Variants in SERPINI2 observed in about 807,000 individuals in gnomAD.
SERPINI2 encodes the protein serpin family I member 2.
In SERPINI2, 48 loss-of-function variants were observed where a neutral mutation model predicts 47.3. The observed-to-expected ratio is 1.02, with a 90% CI of 0.81 to 1.29. The LOEUF (loss-of-function observed/expected upper bound fraction) is 1.29, where lower values mean the gene tolerates loss of function less well. Ranked by LOEUF, SERPINI2 falls within the 50% of genes most tolerant of loss-of-function variation. The probability of loss-of-function intolerance (pLI) is 0.00; values close to 1 mark genes in which losing one functional copy is unlikely to be tolerated. For missense variants in SERPINI2, 448 were observed against 456.9 expected (o/e 0.98, Z 0.18); for synonymous variants, 135 against 149.3 (o/e 0.90, Z 0.70).
At chr3:167,476,673 C>G (rs1049200379), upstream of SERPINI2, among the ~76,000 whole-genome samples, 10 of 152,006 alleles carry the variant, frequency 6.6e-5, no homozygotes, top group Non-Finnish European at 1.3e-4. Flanking sequence ...TTATGAATTT[C>G]CAACTTATGC....
chr3:167,453,661 G>C (rs1465727399), intron 5 of SERPINI2, among the ~76,000 whole-genome samples: 1 of 149,230 alleles, frequency 6.7e-6, no homozygotes, highest in Non-Finnish European at 1.5e-5. Context: ...AGGAGTGGGG[G>C]GGGGTGGGCA....
chr3:167,473,705 C>T (rs1482499808), intron 1 of SERPINI2: 2 of 1,232,944 alleles, frequency 1.6e-6, no homozygotes, highest in Admixed American at 2.4e-5. Flanking sequence ...ATTATAACCT[C>T]AGACAAATAT....
At chr3:167,451,812 T>C (rs188223748) in intron 6 of SERPINI2, among the ~76,000 whole-genome samples, 250 of 152,258 alleles carry the variant, frequency 1.6e-3, no homozygotes, top group African/African-American at 5.9e-3. Flanking sequence ...GAAAAGGAAG[T>C]GCATGAAAAA....
intron 2 of SERPINI2, among the ~76,000 whole-genome samples, chr3:167,471,348 A>G (rs1328450167): frequency 6.6e-6 from 1 of 152,154 alleles, no homozygotes; most frequent in African/African-American, 2.4e-5. Context: ...GAAAATGTAC[A>G]AATATTTACT....
intron 5 of SERPINI2, 123 bp from the exon 6 acceptor site, chr3:167,453,156 T>C: frequency 1.9e-6 from 1 of 524,094 alleles, no homozygotes. Context: ...TTATCTCAAT[T>C]ACATTTTCTC....
rs760780976 is a variant in SERPINI2 at position 167,467,172 on chromosome 3, C to T, written c.361G>A (p.Glu121Lys). The T allele has an allele frequency of 8.1e-6, 13 of 1,613,288 alleles. No individual in the cohort carries two copies. Among genetic ancestry groups the T allele is most frequent in the African/African-American group, 1.3e-5 (1 of 74,882 alleles). ...TCCTTGTTGCCATGGAGATACTGTT[C>T]TTTCACAGTGAATCCTTCTTGAAGG... The change falls in exon 3 of 9, where the codon GAA becomes AAA. Residue 121 changes from glutamate (E) to lysine (K), a missense_variant. Glu to Lys is a moderately conservative substitution (Grantham distance 56). Coordinates refer to ENST00000264677, the Ensembl canonical transcript of SERPINI2.
chr3:167,471,884 G>T, intron 1 of SERPINI2, 40 bp from the exon 2 acceptor site: 1 of 1,514,472 alleles, frequency 6.6e-7, no homozygotes, highest in Non-Finnish European at 9.1e-7. Flanking sequence ...TTTCAAAATA[G>T]AGTTTTCCAC....
chr3:167,474,775 G>T (rs1227902954), upstream of SERPINI2, among the ~76,000 whole-genome samples: 2 of 151,528 alleles, frequency 1.3e-5, no homozygotes, highest in Middle Eastern at 3.4e-3. Flanking sequence ...TAATTTAATG[G>T]GTTTCATCTC....
At chr3:167,465,236 T>G in exon 5 of SERPINI2, 1 of 1,611,516 alleles carries the variant, frequency 6.2e-7, no homozygotes, top group Non-Finnish European at 8.5e-7. Flanking sequence ...TTCCTCTTCT[T>G]GCATCTCAGA....
At chr3:167,464,690 A>G (rs987113724) in intron 5 of SERPINI2, among the ~76,000 whole-genome samples, 18 of 152,162 alleles carry the variant, frequency 1.2e-4, no homozygotes, top group Non-Finnish European at 2.1e-4. Context: ...AATTTAGTTC[A>G]TAATTATTGC....
chr3:167,471,565 G>A (rs765670139), intron 2 of SERPINI2, 23 bp downstream of exon 2: 14 of 1,609,340 alleles, frequency 8.7e-6, no homozygotes, highest in African/African-American at 1.3e-5. Context: ...TCCAGTATAA[G>A]TAAGGAGATG....
intron 2 of SERPINI2, 42 bp from the exon 3 acceptor site, chr3:167,467,327 T>C: frequency 7.1e-7 from 1 of 1,406,618 alleles, no homozygotes; most frequent in Non-Finnish European, 9.8e-7. Flanking sequence ...TTGAACAACA[T>C]AAAAACAACA....
At chr3:167,465,133 C>T (rs1056561154) in intron 5 of SERPINI2, 73 bp downstream of exon 5, 1 of 1,311,126 alleles carries the variant, frequency 7.6e-7, no homozygotes, top group South Asian at 1.3e-5. Flanking sequence ...TATTTGTTAC[C>T]TTTCAGCTGA....
intron 7 of SERPINI2, 67 bp from the exon 8 acceptor site, chr3:167,446,548 T>TGGCGTGAACCCCAGGGGGCGGAGCCTGC: frequency 9.6e-7 from 1 of 1,039,580 alleles, no homozygotes; most frequent in Non-Finnish European, 1.4e-6. Flanking sequence ...AGTATATTCA[T>TGGCGTGAACCCCAGGGGGCGGAGCCTGC]AATACATTTT....
At chr3:167,447,675 C>T (rs962960652) in intron 7 of SERPINI2, among the ~76,000 whole-genome samples, 9 of 152,168 alleles carry the variant, frequency 5.9e-5, no homozygotes, top group African/African-American at 9.7e-5. Context: ...ATTGCTGGGC[C>T]TGTTTCTTCA....
chr3:167,442,473 G>A (rs1204242120), intron 8 of SERPINI2, among the ~76,000 whole-genome samples: 1 of 152,142 alleles, frequency 6.6e-6, no homozygotes, highest in Non-Finnish European at 1.5e-5. Context: ...GTGACAGAGA[G>A]GTGTTCTTCT....
At chr3:167,446,684 C>T (rs539521471) in intron 7 of SERPINI2, 3 of 349,924 alleles carry the variant, frequency 8.6e-6, no homozygotes, top group African/African-American at 6.3e-5. Flanking sequence ...AGGTCACTCA[C>T]AGAATAATTC....
At chr3:167,450,339 G>T (rs1382588815) in intron 6 of SERPINI2, among the ~76,000 whole-genome samples, 2 of 152,086 alleles carry the variant, frequency 1.3e-5, no homozygotes, top group Non-Finnish European at 2.9e-5. Flanking sequence ...CCCCTTGGTG[G>T]AACTGATGTA....
intron 6 of SERPINI2, among the ~76,000 whole-genome samples, chr3:167,449,997 A>G (rs979032709): frequency 6.6e-6 from 1 of 152,200 alleles, no homozygotes; most frequent in African/African-American, 2.4e-5. Context: ...GAAATATTTG[A>G]AGGGACAGAG....
Sources: gnomAD v4.1 joint callset for allele counts (sites outside exome capture counted in the v4.1 genomes callset) on GRCh38, gnomAD v4.1.1 for gene constraint, MANE v1.5 for transcripts, NCBI Gene and HGNC (gene_info 2026-07-23, HGNC 2026-07-21) for gene names.